RNF212B: variants seen among roughly 807,000 people sequenced by gnomAD.
RNF212B encodes the protein E3 ubiquitin-protein ligase RNF212B.
RNF212B carries 52 observed loss-of-function variants against 55.5 expected under a neutral mutation model. That is an observed-to-expected ratio of 0.94 (90% confidence interval 0.75 to 1.18). RNF212B has a LOEUF of 1.18. RNF212B is among the 50% of genes most tolerant of loss of function. RNF212B has a pLI of 0.00. For missense variants in RNF212B, 289 were observed against 350.4 expected, an observed-to-expected ratio of 0.82 and a Z score of 1.40; for synonymous variants, 99 against 121.4, an observed-to-expected ratio of 0.82 and a Z score of 1.21.
chr14:23,215,294 CAATT>C (rs1358850247), intron 2 of RNF212B, among the ~76,000 whole-genome samples: 1 of 152,114 alleles, frequency 6.6e-6, no homozygotes, highest in Non-Finnish European at 1.5e-5. Context: ...AACTGTGAGT[CAATT>C]AAATCTCTTT....
chr14:23,248,305 T>G (rs569783061), intron 4 of RNF212B, among the ~76,000 whole-genome samples: 5 of 151,190 alleles, frequency 3.3e-5, no homozygotes, highest in Admixed American at 1.3e-4. Context: ...TTTTTGTGTT[T>G]TTTTTTTTTT....
chr14:23,232,411 C>G (rs1025863460), intron 2 of RNF212B, among the ~76,000 whole-genome samples: 1 of 151,510 alleles, frequency 6.6e-6, no homozygotes, highest in Non-Finnish European at 1.5e-5. Context: ...GCCCGGCAGC[C>G]GCCCTGTCTG....
At chr14:23,229,737 ACT>A (rs1882390584) in intron 2 of RNF212B, among the ~76,000 whole-genome samples, 1 of 152,104 alleles carries the variant, frequency 6.6e-6, no homozygotes, top group East Asian at 1.9e-4. Context: ...GGGTTGTTTG[ACT>A]TTTTTGTTGT....
chr14:23,268,016 T>C (rs1885822089), intron 11 of RNF212B, among the ~76,000 whole-genome samples: 1 of 152,238 alleles, frequency 6.6e-6, no homozygotes, highest in Non-Finnish European at 1.5e-5. Context: ...TGCTTTTTGG[T>C]TAGCCTTTTG....
chr14:23,263,032 G>C, intron 9 of RNF212B, 62 bp downstream of exon 9: 3 of 1,402,216 alleles, frequency 2.1e-6, no homozygotes, highest in South Asian at 1.2e-5. Context: ...GAAATATCTA[G>C]TTGTAGCTCA....
intron 1 of RNF212B, among the ~76,000 whole-genome samples, chr14:23,192,794 A>T (rs1167677514): frequency 6.6e-6 from 1 of 152,176 alleles, no homozygotes; most frequent in East Asian, 1.9e-4. Context: ...CCAATTTTTT[A>T]AAAATATAGC....
At chr14:23,244,700 A>G (rs546320999) in intron 4 of RNF212B, among the ~76,000 whole-genome samples, 1 of 152,344 alleles carries the variant, frequency 6.6e-6, no homozygotes, top group African/African-American at 2.4e-5. Context: ...CTCAGCAGAT[A>G]GATGCACCTT....
intron 2 of RNF212B, among the ~76,000 whole-genome samples, chr14:23,232,290 CCG>C (rs1882703804): frequency 6.6e-6 from 1 of 151,870 alleles, no homozygotes; most frequent in Non-Finnish European, 1.5e-5. Context: ...CTCTGCCCGG[CCG>C]CAACCCCATC....
chr14:23,257,164 AAAAAT>A (rs1273560836), intron 4 of RNF212B, among the ~76,000 whole-genome samples: 113 of 152,038 alleles, frequency 7.4e-4, no homozygotes, highest in Admixed American at 1.4e-3. Context: ...CACACACAAA[AAAAAT>A]AAAATAAAAT....
chr14:23,268,867 C>A, intron 11 of RNF212B, 57 bp from the exon 12 acceptor site: 2 of 1,431,614 alleles, frequency 1.4e-6, no homozygotes, highest in South Asian at 1.2e-5. Context: ...CCAAGTATAC[C>A]TGAATCTCTT....
chr14:23,209,418 T>A (rs1329931521), intron 2 of RNF212B, among the ~76,000 whole-genome samples: 1 of 152,204 alleles, frequency 6.6e-6, no homozygotes. Flanking sequence ...AAGATGGAGT[T>A]GCTCTGGTTC....
Position 23,244,384 on chromosome 14 carries a change from T to A in RNF212B, c.216T>A (p.Ser72Arg). ...TGGAGACAGCTTTGCAGTATTTTAG[T>A]CACATCTCTCAGGTATGAGAAACAA... ...SPVETALQYF[S>R]HISQVWSFQK... is the part of the protein sequence containing the mutation. The change falls in exon 4 of 15, where the codon AGT (serine) becomes AGA (arginine). Residue 72 changes from serine to arginine, a missense_variant. By Grantham distance (110) the Ser-to-Arg change is moderately radical. Transcript: ENST00000430154. The A allele has an allele frequency of 6.5e-7, 1 of 1,538,888 alleles. No individual in the cohort carries two copies. Among genetic ancestry groups the A allele is most frequent in the Non-Finnish European group, 8.8e-7 (1 of 1,139,984 alleles).
Position 23,262,984 on chromosome 14 carries a change from G to A in RNF212B, c.524+14G>A, listed in dbSNP as rs1161074384. 1.9e-6 allele frequency: 3 copies of A among 1,549,088 alleles called. No individual in the cohort carries two copies. Among genetic ancestry groups the A allele is most frequent in the Admixed American group, 3.9e-5 (2 of 50,994 alleles). ...TCAAGTGGTCAGGTAAACCTACACA[G>A]CAACATTAAAACTGTTGGCAAAAGT... On this transcript the variant is annotated intron_variant, in intron 9 of 14. Transcript: ENST00000430154.
At chr14:23,258,694 T>C in intron 5 of RNF212B, 30 bp downstream of exon 5, 2 of 34,694 alleles carry the variant, frequency 5.8e-5, no homozygotes, top group Non-Finnish European at 9.4e-5. Flanking sequence ...CCAAGAGAGC[T>C]TTTTTTTTTT....
intron 12 of RNF212B, 90 bp downstream of exon 12, chr14:23,269,053 C>T (rs1885891625): frequency 1.8e-6 from 2 of 1,111,490 alleles, no homozygotes; most frequent in South Asian, 1.4e-5. Flanking sequence ...GCCTGTAATC[C>T]CAGCACTTTG....
chr14:23,217,729 G>A (rs1442006587), intron 2 of RNF212B, among the ~76,000 whole-genome samples: 1 of 152,030 alleles, frequency 6.6e-6, no homozygotes, highest in Admixed American at 6.6e-5. Context: ...TGGGACCCAG[G>A]TCTGTTTGAA....
intron 2 of RNF212B, among the ~76,000 whole-genome samples, chr14:23,194,734 CAAAAAAAAA>C (rs34019946): frequency 2.7e-5 from 2 of 74,962 alleles, no homozygotes; most frequent in African/African-American, 4.7e-5. Context: ...GACTCTGTCT[CAAAAAAAAA>C]AAAAAAAAAA....
chr14:23,266,991 C>T (rs1286000440), intron 11 of RNF212B, among the ~76,000 whole-genome samples: 1 of 152,110 alleles, frequency 6.6e-6, no homozygotes, highest in African/African-American at 2.4e-5. Flanking sequence ...TTTTTTGAGA[C>T]AGAGTCTCGT....
intron 2 of RNF212B, among the ~76,000 whole-genome samples, chr14:23,201,244 C>T (rs1056187375): frequency 2.0e-5 from 3 of 152,234 alleles, no homozygotes; most frequent in Admixed American, 2.0e-4. Context: ...CACTCAAGAG[C>T]ACCTGTTATA....
Sources: gnomAD v4.1 joint callset for allele counts (sites outside exome capture counted in the v4.1 genomes callset) on GRCh38, gnomAD v4.1.1 for gene constraint, MANE v1.5 for transcripts, NCBI Gene and HGNC (gene_info 2026-07-23, HGNC 2026-07-21) for gene names.